The following DLL1 variants were observed in gnomAD, a reference collection of about 807,000 sequenced individuals.
DLL1 encodes the protein delta-like protein 1.
A neutral mutation model predicts 75.1 loss-of-function variants in DLL1; 9 were observed. The ratio of observed to expected loss-of-function variants is 0.12; its 90% CI spans 0.07 to 0.21. The LOEUF (loss-of-function observed/expected upper bound fraction) is 0.21, where lower values mean the gene tolerates loss of function less well. Ranked by LOEUF, DLL1 falls within the 10% of genes least tolerant of loss-of-function variation. The pLI is 1.00. For missense variants in DLL1, 837 were observed against 1,007.6 expected (o/e 0.83, Z 2.29); for synonymous variants, 477 against 418.3 (o/e 1.14, Z -1.71).
Position 170,290,460 on chromosome 6 carries a change from C to T in DLL1, c.-321G>A. On this transcript the variant is annotated 5_prime_UTR_variant, in exon 1 of 11. Coordinates refer to ENST00000366756, the MANE Select transcript of DLL1 (RefSeq NM_005618.4). This position sits in a 1 kb window ranked among gnomAD's most constrained non-coding sequence, Gnocchi z 4.7. ...CAGCCCCCGAGGAGGTGAGGGTCGC[C>T]GGCTTCCTGGTTTTGTCTTGAGCTT... 2.9e-6 allele frequency: 1 copy of T among 345,964 alleles called. No individual in the cohort carries two copies. Among genetic ancestry groups the T allele is most frequent in the Non-Finnish European group, 5.2e-6 (1 of 192,726 alleles). 21.4% of individuals were successfully genotyped at this position (345,964 alleles called of 1,614,324 possible).
chr6:170,286,429 G>C, intron 4 of DLL1, 131 bp from the exon 5 acceptor site: 1 of 1,132,206 alleles, frequency 8.8e-7, no homozygotes, highest in Non-Finnish European at 1.3e-6. Context: ...TTCCCAGGTT[G>C]TGGAGGACTG....
intron 2 of DLL1, 147 bp downstream of exon 2, chr6:170,289,365 G>A (rs1192162792): frequency 2.3e-6 from 3 of 1,317,342 alleles, no homozygotes; most frequent in East Asian, 2.6e-5. Context: ...GGAGTCCTGG[G>A]GCCGCCGCTA....
chr6:170,285,321 C>G lies in DLL1; in HGVS notation c.965G>C (p.Gly322Ala). The G allele has an allele frequency of 6.2e-7, 1 of 1,614,190 alleles. No individual in the cohort carries two copies. Among genetic ancestry groups the G allele is most frequent in the Non-Finnish European group, 8.5e-7 (1 of 1,180,028 alleles). ...YTCSCRPGYT[G>A]ATCELGIDEC... The stretch of plus-strand genomic sequence containing the variant: ...GTCAATCCCCAGCTCGCAGGTGGCA[C>G]CTGTGTACCCAGGCCGGCAAGAGCA... Residue 322 changes from glycine (G) to alanine (A), a missense_variant, in exon 7 of 11, where the codon GGT becomes GCT. By Grantham distance (60) the Gly-to-Ala change is moderately conservative. This residue lies in a region of DLL1 where 304 missense variants were observed against 461.9 expected (regional missense o/e 0.66). Transcript: ENST00000366756.
At chr6:170,288,652 T>C in intron 3 of DLL1, 77 bp downstream of exon 3, 1 of 1,609,884 alleles carries the variant, frequency 6.2e-7, no homozygotes, top group Non-Finnish European at 8.5e-7. Flanking sequence ...TGTCCGGGTT[T>C]GGCTGGGGGA....
intron 1 of DLL1, 25 bp from the exon 2 acceptor site, chr6:170,289,833 G>A (rs778378640): frequency 6.5e-7 from 1 of 1,548,582 alleles, no homozygotes; most frequent in South Asian, 1.2e-5. Flanking sequence ...GCGGGGGCGT[G>A]AGGACGCGGG....
At chr6:170,288,014 G>T (rs577331466) in intron 4 of DLL1, among the ~76,000 whole-genome samples, 1 of 152,128 alleles carries the variant, frequency 6.6e-6, no homozygotes, top group Non-Finnish European at 1.5e-5. Flanking sequence ...AGGCAGTTCC[G>T]ATAGTGGATA....
At chr6:170,289,460 G>A (rs776737908) in intron 2 of DLL1, 52 bp downstream of exon 2, 1 of 1,523,426 alleles carries the variant, frequency 6.6e-7, no homozygotes, top group South Asian at 1.2e-5. Context: ...AGCGCGTCCT[G>A]CAGCCCGCCC....
Position 170,289,739 on chromosome 6 carries a change from G to A in DLL1, c.124C>T (p.Arg42Cys), listed in dbSNP as rs1369929885. 6.4e-7 allele frequency: 1 copy of A among 1,551,600 alleles called. No homozygotes were observed. The highest frequency in any genetic ancestry group is 8.7e-7 in the Non-Finnish European group (1 of 1,147,596). ...CCCGCGCCCCCGCGGCAGCAGTTGC[G>A]GTTCCCCAGCAGCCCCTTCTTGTTG... The part of the protein sequence containing the change: ...FVNKKGLLGN[R>C]NCCRGGAGPP... The change falls in exon 2 of 11, where the codon CGC (arginine) becomes TGC (cysteine). Residue 42 changes from arginine to cysteine, a missense_variant. Arg to Cys is a radical substitution (Grantham distance 180). This residue lies in a region of DLL1 where 304 missense variants were observed against 461.9 expected (regional missense o/e 0.66). Transcript: ENST00000366756.
intron 1 of DLL1, 69 bp from the exon 2 acceptor site, chr6:170,289,877 G>C (rs1783812129): frequency 7.4e-6 from 11 of 1,482,194 alleles, no homozygotes; most frequent in East Asian, 2.5e-5. Context: ...AGGCCTGGGT[G>C]GGGGGTGTGC....
At chr6:170,285,766 C>T (rs1783683915) in intron 5 of DLL1, 67 bp from the exon 6 acceptor site, 1 of 1,603,764 alleles carries the variant, frequency 6.2e-7, no homozygotes, top group Non-Finnish European at 8.5e-7. Flanking sequence ...ACATTCTCAC[C>T]CTAGAAACCA....
intron 7 of DLL1, 30 bp downstream of exon 7, chr6:170,285,224 G>A (rs567067473): frequency 1.4e-4 from 224 of 1,614,116 alleles, no homozygotes; most frequent in East Asian, 1.1e-4. Flanking sequence ...CCCAGCTTCC[G>A]GGTGAGATGC....
rs146990317 is a variant in DLL1 at position 170,288,735 on chromosome 6, C to T, written c.406G>A (p.Ala136Thr). 3.8e-5 allele frequency: 61 copies of T among 1,614,068 alleles called. No homozygotes were observed. In the East Asian group the frequency reaches 9.4e-4, roughly 25 times the overall value. Residue 136 changes from alanine to threonine, a missense_variant, in exon 3 of 11, where the codon GCA (alanine) becomes ACA (threonine). By Grantham distance (58) the Ala-to-Thr change is moderately conservative. Transcript: ENST00000366756. The part of the protein sequence containing the change: ...ALHTDSPDDL[A>T]TENPERLISR... ...GTTTGGGTTTTGTTTTTACCTGTTGCGAGGTCATCAGGAGAATCTGTGTGG... is the reference window on the plus strand; with the variant it reads ...GTTTGGGTTTTGTTTTTACCTGTTGTGAGGTCATCAGGAGAATCTGTGTGG...
At position 170,290,282 on chromosome 6, in the gene DLL1, T is replaced by G; in HGVS notation, c.-143A>C. ...GCCCCAGACCGCAGGACCCAGGACTTCTTTCTTTAAAAGCCGGTCTCCGCC... is the reference window on the plus strand; with the variant it reads ...GCCCCAGACCGCAGGACCCAGGACTGCTTTCTTTAAAAGCCGGTCTCCGCC... On this transcript the variant is annotated 5_prime_UTR_variant, in exon 1 of 11. Coordinates refer to ENST00000366756, the MANE Select transcript of DLL1 (RefSeq NM_005618.4). This position sits in a 1 kb window ranked among gnomAD's most constrained non-coding sequence, Gnocchi z 4.7. The G allele has an allele frequency of 1.1e-6, 1 of 874,044 alleles. No individual in the cohort carries two copies. Among genetic ancestry groups the G allele is most frequent in the East Asian group, 3.2e-5 (1 of 30,928 alleles). The allele number at this position is 874,044 out of a possible 1,614,324, so 54.1% of individuals were successfully genotyped here.
Position 170,282,662 on chromosome 6 carries a change from G to T in DLL1, c.*212C>A, listed in dbSNP as rs1473046800. 2.9e-6 allele frequency: 2 copies of T among 696,878 alleles called. No homozygotes were observed. The highest frequency in any genetic ancestry group is 1.8e-5 in the African/African-American group (1 of 56,440). 43.2% of individuals were successfully genotyped at this position (696,878 alleles called of 1,614,324 possible). A position where few individuals can be genotyped will look rare whatever the true frequency, so the allele number is the denominator to read the frequency against. The stretch of plus-strand genomic sequence containing the variant: ...CAACTGTCCATAGTGCAACGGCGAC[G>T]TCACGGAAGGCAGTGCCGCAGGCGG... On this transcript the variant is annotated 3_prime_UTR_variant, in exon 11 of 11. Coordinates refer to ENST00000366756, the MANE Select transcript of DLL1 (RefSeq NM_005618.4).
In DLL1 at chr6:170,289,624, C is replaced by T. The variant is rs1264648105; in HGVS notation, c.239G>A (p.Gly80Asp). 1 of 1,537,430 alleles carries T rather than the reference C, an allele frequency of 6.5e-7. No homozygotes were observed. ...GCCCAGCACGGGGGTGACGGCGCTG[C>T]CGTAGGTGCAGGGCGGCTCGGGGGA... ...SVSPEPPCTYGSAVTPVLGVD... is the reference protein window; with the variant it reads ...SVSPEPPCTYDSAVTPVLGVD... The change falls in exon 2 of 11, where the codon GGC (glycine) becomes GAC (aspartate). Residue 80 changes from glycine to aspartate, a missense_variant. By Grantham distance (94) the Gly-to-Asp change is moderately conservative. Transcript: ENST00000366756.
At position 170,282,804 on chromosome 6, in the gene DLL1, G is replaced by C; in HGVS notation, c.*70C>G. 1 of 1,611,152 alleles carries C rather than the reference G, an allele frequency of 6.2e-7. No homozygotes were observed. Among genetic ancestry groups the C allele is most frequent in the Non-Finnish European group, 8.5e-7 (1 of 1,178,416 alleles). ...GCCTCCCTCCTCTTCAGCAGCATTC[G>C]TTGGGGCATATATCCTTGGAATTTT... On this transcript the variant is annotated 3_prime_UTR_variant, in exon 11 of 11. Coordinates refer to ENST00000366756, the MANE Select transcript of DLL1 (RefSeq NM_005618.4).
intron 9 of DLL1, 42 bp downstream of exon 9, chr6:170,283,189 C>G: frequency 6.2e-7 from 1 of 1,613,110 alleles, no homozygotes; most frequent in Non-Finnish European, 8.5e-7. Context: ...AGGAAGACAC[C>G]CCCCAGGTAC....
In DLL1 at chr6:170,289,058, G is replaced by C. The variant is rs1034347809; in HGVS notation, c.352-269C>G. 23 of 599,398 alleles carry C rather than the reference G, an allele frequency of 3.8e-5. No individual in the cohort carries two copies. The African/African-American group carries it at 4.3e-4, about 11-fold the overall frequency. The allele number at this position is 599,398 out of a possible 1,614,324, so 37.1% of individuals were successfully genotyped here. A position where few individuals can be genotyped will look rare whatever the true frequency, so the allele number is the denominator to read the frequency against. On this transcript the variant is annotated intron_variant, in intron 2 of 10. Coordinates refer to ENST00000366756, the MANE Select transcript of DLL1 (RefSeq NM_005618.4). ...CGTTGTTTTTTTAATTAGAGAGAGA[G>C]AGAGAATGCAGGCAGGATGGGGTGG...
rs371027955 is a variant in DLL1 at position 170,289,464 on chromosome 6, C to T, written c.351+48G>A. On this transcript the variant is annotated intron_variant, in intron 2 of 10. Coordinates refer to ENST00000366756, the MANE Select transcript of DLL1 (RefSeq NM_005618.4). The stretch of plus-strand genomic sequence containing the variant: ...GGCGGGATCCCAGCGCGTCCTGCAG[C>T]CCGCCCAGCTTCAGGGCCGGCCCGG... The T allele has an allele frequency of 4.6e-6, 7 of 1,524,474 alleles. No individual in the cohort carries two copies. In the East Asian group the frequency reaches 1.0e-4, roughly 22 times the overall value. 94.4% of individuals were successfully genotyped at this position (1,524,474 alleles called of 1,614,324 possible).
Sources: allele counts gnomAD v4.1 joint callset (sites outside exome capture counted in the v4.1 genomes callset), GRCh38; gene constraint gnomAD v4.1.1; regional missense constraint gnomAD v4.1.1; non-coding constraint Gnocchi (gnomAD v3.1); transcripts MANE v1.5; gene names NCBI Gene and HGNC (gene_info 2026-07-23, HGNC 2026-07-21).